Variants in DLG2 observed in about 807,000 individuals in gnomAD.
DLG2 encodes disks large homolog 2.
A neutral mutation model predicts 132.5 loss-of-function variants in DLG2; 45 were observed. The observed-to-expected ratio is 0.34, with a 90% CI of 0.27 to 0.44. The LOEUF is 0.44. DLG2 is among the 20% of genes least tolerant of loss of function. The probability of loss-of-function intolerance (pLI) is 1.00; values close to 1 mark genes in which losing one functional copy is unlikely to be tolerated. For synonymous variants in DLG2, 424 were observed against 419.6 expected (o/e 1.01, Z -0.13); for missense variants, 1,045 against 1,196.9 (o/e 0.87, Z 1.87).
chr11:84,440,684 T>C (rs2099014593), intron 7 of DLG2, among the ~76,000 whole-genome samples: 1 of 152,228 alleles, frequency 6.6e-6, no homozygotes, highest in African/African-American at 2.4e-5. Context: ...ATAATTTTAT[T>C]TTTAAAGCCT....
chr11:85,429,858 G>GTA (rs968500749), intron 3 of DLG2, among the ~76,000 whole-genome samples: 6 of 152,120 alleles, frequency 3.9e-5, no homozygotes, highest in Non-Finnish European at 7.3e-5. Context: ...CCATTACTGG[G>GTA]TATATACCCA....
At chr11:85,046,301 CT>C (rs1247972148) in intron 6 of DLG2, among the ~76,000 whole-genome samples, 2 of 151,964 alleles carry the variant, frequency 1.3e-5, no homozygotes, top group African/African-American at 4.8e-5. Flanking sequence ...GTACTCCTTA[CT>C]TACTAAATCT....
At chr11:83,914,419 AGCAAC>A (rs1405471866) in intron 15 of DLG2, among the ~76,000 whole-genome samples, 2 of 152,172 alleles carry the variant, frequency 1.3e-5, no homozygotes, top group Admixed American at 1.3e-4. Context: ...GTTCCTTTAT[AGCAAC>A]GCAAATGGAC....
At chr11:85,437,654 A>AC (rs1273877865) in intron 3 of DLG2, among the ~76,000 whole-genome samples, 2 of 152,210 alleles carry the variant, frequency 1.3e-5, no homozygotes, top group African/African-American at 4.8e-5. Context: ...ATAAGGCTTA[A>AC]CAGCACAAAT....
chr11:84,303,598 C>T (rs969748447), intron 7 of DLG2, among the ~76,000 whole-genome samples: 9 of 152,104 alleles, frequency 5.9e-5, no homozygotes, highest in African/African-American at 1.7e-4. Context: ...AATTTTTGTC[C>T]GATTTCCTCT....
intron 17 of DLG2, among the ~76,000 whole-genome samples, chr11:83,809,532 C>A (rs777877481): frequency 6.6e-6 from 1 of 152,144 alleles, no homozygotes; most frequent in Non-Finnish European, 1.5e-5. Flanking sequence ...GAATGTTCAA[C>A]CCCCTTCTTA....
At chr11:84,438,347 T>C (rs1016978045) in intron 7 of DLG2, among the ~76,000 whole-genome samples, 1 of 152,192 alleles carries the variant, frequency 6.6e-6, no homozygotes, top group Non-Finnish European at 1.5e-5. Context: ...AAGTCATTAG[T>C]TGTACCTGTA....
At chr11:85,459,667 T>A (rs2092541426) in intron 3 of DLG2, among the ~76,000 whole-genome samples, 1 of 152,144 alleles carries the variant, frequency 6.6e-6, no homozygotes, top group African/African-American at 2.4e-5. Context: ...GTGCTGGAGA[T>A]GCCCATGTAG....
At chr11:83,467,063 TTC>T (rs1248205252) in intron 25 of DLG2, among the ~76,000 whole-genome samples, 1 of 152,224 alleles carries the variant, frequency 6.6e-6, no homozygotes, top group Non-Finnish European at 1.5e-5. Context: ...TTTACATATG[TTC>T]TCTCAGTTAA....
intron 3 of DLG2, among the ~76,000 whole-genome samples, chr11:85,504,641 T>G (rs1398451258): frequency 6.6e-6 from 1 of 152,226 alleles, no homozygotes; most frequent in African/African-American, 2.4e-5. Flanking sequence ...TGAAGTCAGG[T>G]AGCGTGGTGC....
At chr11:85,139,046 C>T (rs2076298504) in intron 5 of DLG2, among the ~76,000 whole-genome samples, 1 of 152,094 alleles carries the variant, frequency 6.6e-6, no homozygotes, top group African/African-American at 2.4e-5. Context: ...CAAGGCTCTG[C>T]TCAGATGTTA....
At chr11:83,756,134 C>T (rs931258399) in intron 18 of DLG2, among the ~76,000 whole-genome samples, 5 of 151,162 alleles carry the variant, frequency 3.3e-5, no homozygotes, top group Admixed American at 1.3e-4. Context: ...GCACCACACC[C>T]TCAGTATTAG....
chr11:83,524,000 C>T (rs762878148), intron 21 of DLG2, among the ~76,000 whole-genome samples: 3 of 152,040 alleles, frequency 2.0e-5, no homozygotes, highest in African/African-American at 4.8e-5. Flanking sequence ...TTCCTCTGTG[C>T]AAAAGGAGAT....
intron 3 of DLG2, among the ~76,000 whole-genome samples, chr11:85,371,251 C>G (rs140256354): frequency 8.9e-4 from 135 of 152,294 alleles, no homozygotes; most frequent in African/African-American, 3.1e-3. Context: ...ATGGACTGAA[C>G]TCAGGAAGCT....
At chr11:84,180,917 G>GTC (rs1192786153) in intron 8 of DLG2, among the ~76,000 whole-genome samples, 1 of 151,834 alleles carries the variant, frequency 6.6e-6, no homozygotes, top group African/African-American at 2.4e-5. Flanking sequence ...AAATATTGCA[G>GTC]TAAGTACTTC....
chr11:84,618,147 T>G (rs2099607709), intron 6 of DLG2, among the ~76,000 whole-genome samples: 1 of 152,026 alleles, frequency 6.6e-6, no homozygotes. Flanking sequence ...GAATTGTAAC[T>G]ATTTGGGGAG....
At chr11:85,009,431 T>G (rs1201612187) in intron 6 of DLG2, among the ~76,000 whole-genome samples, 1 of 152,082 alleles carries the variant, frequency 6.6e-6, no homozygotes, top group African/African-American at 2.4e-5. Context: ...AAGCCATAAA[T>G]AAGTTTATCA....
intron 2 of DLG2, among the ~76,000 whole-genome samples, chr11:85,615,038 C>T (rs1029309491): frequency 2.0e-5 from 3 of 152,176 alleles, no homozygotes; most frequent in African/African-American, 2.4e-5. Flanking sequence ...TTTGAATATA[C>T]TTCAACTAAC....
intron 6 of DLG2, among the ~76,000 whole-genome samples, chr11:84,893,046 A>G (rs2089655267): frequency 6.6e-6 from 1 of 152,144 alleles, no homozygotes; most frequent in Non-Finnish European, 1.5e-5. Flanking sequence ...CCGAGTAGAC[A>G]TTAAACAATT....
Sources: gnomAD v4.1 joint callset for allele counts (sites outside exome capture counted in the v4.1 genomes callset) on GRCh38, gnomAD v4.1.1 for gene constraint, MANE v1.5 for transcripts, NCBI Gene and HGNC (gene_info 2026-07-23, HGNC 2026-07-21) for gene names.